The following LRTM2 variants were observed in gnomAD, a reference collection of about 807,000 sequenced individuals.
LRTM2 encodes the protein leucine rich repeat transmembrane protein 2.
In LRTM2, 18 loss-of-function variants were observed where a neutral mutation model predicts 28.1. That is an observed-to-expected ratio of 0.64 (90% CI 0.44 to 0.95). The LOEUF is 0.95. Among genes scored for constraint, LRTM2 ranks in the 40% least tolerant of loss-of-function variants. The probability of loss-of-function intolerance (pLI) is 0.00; values close to 1 mark genes in which losing one functional copy is unlikely to be tolerated. For synonymous variants in LRTM2, 250 were observed against 218.7 expected (o/e 1.14, Z -1.26); for missense variants, 436 against 497.2 (o/e 0.88, Z 1.17).
At chr12:1,826,891 C>A (rs1864354363) in intron 1 of LRTM2, among the ~76,000 whole-genome samples, 1 of 152,232 alleles carries the variant, frequency 6.6e-6, no homozygotes, top group Non-Finnish European at 1.5e-5. Flanking sequence ...AGCACTGAAG[C>A]TTCTCGGCAG....
chr12:1,833,776 A>G lies in LRTM2; in HGVS notation c.659-491A>G, dbSNP rs1864733259. Among the ~76,000 whole-genome samples the G allele has an allele frequency of 6.6e-6, 1 of 152,152 alleles. No homozygotes were observed. Among genetic ancestry groups the G allele is most frequent in the African/African-American group, 2.4e-5 (1 of 41,430 alleles). On this transcript the variant is annotated intron_variant, in intron 4 of 4. Coordinates refer to ENST00000299194, the MANE Select transcript of LRTM2 (RefSeq NM_001039029.3). The surrounding 1 kb of genome is among the most constrained non-coding windows in gnomAD (Gnocchi z 4.2). ...TTTTGACTGCTGTCCTTTGAGTGAGAGGTAAGAACCCTAGAAGGATAAGAT... is the reference window on the plus strand; with the variant it reads ...TTTTGACTGCTGTCCTTTGAGTGAGGGGTAAGAACCCTAGAAGGATAAGAT...
intron 1 of LRTM2, among the ~76,000 whole-genome samples, chr12:1,823,776 T>C (rs1864206705): frequency 6.6e-6 from 1 of 152,182 alleles, no homozygotes; most frequent in Admixed American, 6.5e-5. Flanking sequence ...ATCAGGGCAA[T>C]GGGGACAAAA....
In LRTM2 at chr12:1,828,259, G is replaced by T; in HGVS notation, c.67+44G>T. ...TCGGAGGGGGGTGCGGGTTGGGTGG[G>T]GGTGCCGAGGTGACTGTAGGTAGCG... On this transcript the variant is annotated intron_variant, in intron 3 of 4. Coordinates refer to ENST00000299194, the MANE Select transcript of LRTM2 (RefSeq NM_001039029.3). The surrounding 1 kb of genome is among the most constrained non-coding windows in gnomAD (Gnocchi z 4.2). 2 of 1,493,484 alleles carry T rather than the reference G, an allele frequency of 1.3e-6. No individual in the cohort carries two copies. Among genetic ancestry groups the T allele is most frequent in the Non-Finnish European group, 1.8e-6 (2 of 1,109,542 alleles). The allele number at this position is 1,493,484 out of a possible 1,614,324, so 92.5% of individuals were successfully genotyped here.
rs370258224 is a variant in LRTM2 at position 1,834,326 on chromosome 12, C to A, written c.718C>A (p.Arg240=). 4 of 1,610,674 alleles carry A rather than the reference C, an allele frequency of 2.5e-6. No individual in the cohort carries two copies. The East Asian group carries it at 6.7e-5, about 27-fold the overall frequency. The change falls in exon 5 of 5, where the codon CGG becomes AGG. Residue 240 remains arginine, a synonymous_variant. Coordinates refer to ENST00000299194, the MANE Select transcript of LRTM2 (RefSeq NM_001039029.3). The surrounding 1 kb of genome is among the most constrained non-coding windows in gnomAD (Gnocchi z 7.6). ...LPKELRGKDM[R]MVPMEMFNYC... is the part of the protein sequence containing the mutation. ...CAAGGAGCTGAGGGGGAAGGACATG[C>A]GGATGGTCCCCATGGAGATGTTCAA...
Position 1,828,093 on chromosome 12 carries a change from C to G in LRTM2, c.-56C>G, listed in dbSNP as rs1864432409. 1 of 1,456,636 alleles carries G rather than the reference C, an allele frequency of 6.9e-7. No individual in the cohort carries two copies. Among genetic ancestry groups the G allele is most frequent in the Non-Finnish European group, 9.1e-7 (1 of 1,097,720 alleles). The allele number at this position is 1,456,636 out of a possible 1,614,324, so 90.2% of individuals were successfully genotyped here. A position where few individuals can be genotyped will look rare whatever the true frequency, so the allele number is the denominator to read the frequency against. On this transcript the variant is annotated 5_prime_UTR_variant, in exon 3 of 5. Transcript: ENST00000299194. The surrounding 1 kb of genome is among the most constrained non-coding windows in gnomAD (Gnocchi z 4.2). The stretch of plus-strand genomic sequence containing the variant: ...TCCCTCAGGACTGACAGGCGGCGCA[C>G]CCAGGGGCTCCTCTCTCCCCAGAGC...
Position 1,831,416 on chromosome 12 carries a change from A to G in LRTM2, c.549A>G (p.Thr183=), listed in dbSNP as rs2154447151. The G allele has an allele frequency of 6.2e-7, 1 of 1,614,072 alleles. No individual in the cohort carries two copies. Among genetic ancestry groups the G allele is most frequent in the East Asian group, 2.2e-5 (1 of 44,850 alleles). The change falls in exon 4 of 5, where the codon ACA becomes ACG. Residue 183 remains threonine (T), a synonymous_variant. Transcript: ENST00000299194. The part of the protein sequence containing the change: ...SNRLQNLDRL[T]FEPLANLQLL... ...GTCTGCAGAATCTGGACCGGCTGAC[A>G]TTTGAACCCCTAGCAAACCTGCAGC...
At chr12:1,824,059 C>T (rs751956624) in intron 1 of LRTM2, among the ~76,000 whole-genome samples, 1 of 152,210 alleles carries the variant, frequency 6.6e-6, no homozygotes, top group African/African-American at 2.4e-5. Flanking sequence ...AGAACACTAA[C>T]CTCAGAGAGT....
rs879767746 is a variant in LRTM2, at chr12:1,828,007, T to C, written c.-73-69T>C. On this transcript the variant is annotated intron_variant, in intron 2 of 4. Coordinates refer to ENST00000299194, the MANE Select transcript of LRTM2 (RefSeq NM_001039029.3). This position sits in a 1 kb window ranked among gnomAD's most constrained non-coding sequence, Gnocchi z 4.2. ...GGAGTGTAAAGAGACACCCGGGCCCTCTCCCTAACCCCTGGGCTGGAACGG... is the reference window on the plus strand; with the variant it reads ...GGAGTGTAAAGAGACACCCGGGCCCCCTCCCTAACCCCTGGGCTGGAACGG... The C allele has an allele frequency of 1.8e-4, 109 of 612,476 alleles. No homozygotes were observed. The highest frequency in any genetic ancestry group is 2.7e-4 in the Non-Finnish European group (103 of 383,756). 37.9% of individuals were successfully genotyped at this position (612,476 alleles called of 1,614,324 possible). A position where few individuals can be genotyped will look rare whatever the true frequency, so the allele number is the denominator to read the frequency against.
intron 4 of LRTM2, 61 bp downstream of exon 4, chr12:1,831,586 C>T: frequency 7.2e-7 from 1 of 1,395,292 alleles, no homozygotes; most frequent in Admixed American, 1.9e-5. Flanking sequence ...TGGCCCCACA[C>T]TTTCCTCCTG....
Position 1,829,193 on chromosome 12 carries a change from G to A in LRTM2, c.67+978G>A, listed in dbSNP as rs576959481. Among the ~76,000 whole-genome samples the A allele has an allele frequency of 1.8e-3, 268 of 152,278 alleles. No homozygotes were observed. The highest frequency in any genetic ancestry group is 5.2e-3 in the African/African-American group (217 of 41,560). On this transcript the variant is annotated intron_variant, in intron 3 of 4. Coordinates refer to ENST00000299194, the MANE Select transcript of LRTM2 (RefSeq NM_001039029.3). This position sits in a 1 kb window ranked among gnomAD's most constrained non-coding sequence, Gnocchi z 4.2. ...GGGGGGCGCAGGGAGTCGCTCTTCC[G>A]CAGCGGCTCTCTTAGCCTGCTGTCA...
At position 1,831,122 on chromosome 12, in the gene LRTM2, C is replaced by T. The variant is rs775962971; in HGVS notation, c.255C>T (p.Ser85=). 5.6e-6 allele frequency: 9 copies of T among 1,613,900 alleles called. No individual in the cohort carries two copies. In the East Asian group the frequency reaches 1.8e-4, roughly 32 times the overall value. The part of the protein sequence containing the change: ...LLNNKLSALP[S]WAFANLSSLQ... Reference sequence around the variant, plus strand: ...ACAATAAGCTGAGTGCCCTGCCAAGCTGGGCTTTCGCCAACCTCTCCAGCC... The same window carrying T: ...ACAATAAGCTGAGTGCCCTGCCAAGTTGGGCTTTCGCCAACCTCTCCAGCC... Residue 85 remains serine (S), a synonymous_variant, in exon 4 of 5, where the codon AGC becomes AGT. Coordinates refer to ENST00000299194, the MANE Select transcript of LRTM2 (RefSeq NM_001039029.3).
In LRTM2 at chr12:1,828,103, CCT is replaced by C; in HGVS notation, c.-40_-39del. 1 of 1,476,510 alleles carries C rather than the reference CCT, an allele frequency of 6.8e-7. No homozygotes were observed. The highest frequency in any genetic ancestry group is 2.5e-5 in the East Asian group (1 of 39,280). The allele number at this position is 1,476,510 out of a possible 1,614,324, so 91.5% of individuals were successfully genotyped here. A position where few individuals can be genotyped will look rare whatever the true frequency, so the allele number is the denominator to read the frequency against. On this transcript the variant is annotated 5_prime_UTR_variant, in exon 3 of 5. Coordinates refer to ENST00000299194, the MANE Select transcript of LRTM2 (RefSeq NM_001039029.3). The surrounding 1 kb of genome is among the most constrained non-coding windows in gnomAD (Gnocchi z 4.2). ...CTGACAGGCGGCGCACCCAGGGGCTCCTCTCTCCCCAGAGCGACAGGGCCCGG... is the reference window on the plus strand; with the variant it reads ...CTGACAGGCGGCGCACCCAGGGGCTCCTCTCCCCAGAGCGACAGGGCCCGG...
chr12:1,834,579 T>C lies in LRTM2; in HGVS notation c.971T>C (p.Met324Thr), dbSNP rs1864772129. 1 of 1,600,954 alleles carries C rather than the reference T, an allele frequency of 6.2e-7. No homozygotes were observed. The highest frequency in any genetic ancestry group is 1.1e-5 in the South Asian group (1 of 91,092). Residue 324 changes from methionine (M) to threonine (T), a missense_variant, in exon 5 of 5, where the codon ATG (methionine) becomes ACG (threonine). Coordinates refer to ENST00000299194, the MANE Select transcript of LRTM2 (RefSeq NM_001039029.3). The surrounding 1 kb of genome is among the most constrained non-coding windows in gnomAD (Gnocchi z 7.6). ...AGVVCGVVCI[M>T]MVVAAAYGCI... ...GTCGTGTGCGGCGTCGTCTGCATCA[T>C]GATGGTGGTGGCCGCTGCCTATGGC...
At position 1,828,244 on chromosome 12, in the gene LRTM2, G is replaced by A. The variant is rs774893554; in HGVS notation, c.67+29G>A. Reference sequence around the variant, plus strand: ...AGTACACCCCTGGCCTCGGAGGGGGGTGCGGGTTGGGTGGGGGTGCCGAGG... The same window carrying A: ...AGTACACCCCTGGCCTCGGAGGGGGATGCGGGTTGGGTGGGGGTGCCGAGG... On this transcript the variant is annotated intron_variant, in intron 3 of 4. Transcript: ENST00000299194. The surrounding 1 kb of genome is among the most constrained non-coding windows in gnomAD (Gnocchi z 4.2). 21 of 1,527,098 alleles carry A rather than the reference G, an allele frequency of 1.4e-5. No homozygotes were observed. Among genetic ancestry groups the A allele is most frequent in the South Asian group, 2.5e-5 (2 of 81,210 alleles). The allele number at this position is 1,527,098 out of a possible 1,614,324, so 94.6% of individuals were successfully genotyped here. A position where few individuals can be genotyped will look rare whatever the true frequency, so the allele number is the denominator to read the frequency against.
In LRTM2 at chr12:1,833,251, G is replaced by A. The variant is rs1864709912; in HGVS notation, c.659-1016G>A. Among the ~76,000 whole-genome samples, 1 of 152,210 alleles carries A rather than the reference G, an allele frequency of 6.6e-6. No homozygotes were observed. Among genetic ancestry groups the A allele is most frequent in the African/African-American group, 2.4e-5 (1 of 41,452 alleles). On this transcript the variant is annotated intron_variant, in intron 4 of 4. Coordinates refer to ENST00000299194, the MANE Select transcript of LRTM2 (RefSeq NM_001039029.3). This position sits in a 1 kb window ranked among gnomAD's most constrained non-coding sequence, Gnocchi z 4.2. Reference sequence around the variant, plus strand: ...GACTTGCGGCAGATGGGCTGCAGAGGGAGCTGCCAGTGACGGAGTGGCTGC... The same window carrying A: ...GACTTGCGGCAGATGGGCTGCAGAGAGAGCTGCCAGTGACGGAGTGGCTGC...
rs572336742 is a variant in LRTM2, at chr12:1,828,160, G to A, written c.12G>A (p.Pro4=). 545 of 1,543,472 alleles carry A rather than the reference G, an allele frequency of 3.5e-4. 1 individual carries two copies. Among genetic ancestry groups the A allele is most frequent in the Non-Finnish European group, 4.5e-4 (511 of 1,143,422 alleles). Reference sequence around the variant, plus strand: ...CCGTGGGCCTCACCATGCTGGCGCCGGGCAGCAGCCCTGGGCAGAGGGGCA... The same window carrying A: ...CCGTGGGCCTCACCATGCTGGCGCCAGGCAGCAGCCCTGGGCAGAGGGGCA... MLA[P]GSSPGQRGRL... is the part of the protein sequence containing the mutation. Residue 4 remains proline, a synonymous_variant, in exon 3 of 5, where the codon CCG becomes CCA. Coordinates refer to ENST00000299194, the MANE Select transcript of LRTM2 (RefSeq NM_001039029.3). This position sits in a 1 kb window ranked among gnomAD's most constrained non-coding sequence, Gnocchi z 4.2.
At position 1,828,240 on chromosome 12, in the gene LRTM2, G is replaced by T. The variant is rs770927280; in HGVS notation, c.67+25G>T. The T allele has an allele frequency of 9.8e-6, 15 of 1,531,084 alleles. No individual in the cohort carries two copies. The South Asian group carries it at 1.2e-4, about 12-fold the overall frequency. The allele number at this position is 1,531,084 out of a possible 1,614,324, so 94.8% of individuals were successfully genotyped here. ...TGTGAGTACACCCCTGGCCTCGGAG[G>T]GGGGTGCGGGTTGGGTGGGGGTGCC... On this transcript the variant is annotated intron_variant, in intron 3 of 4. Coordinates refer to ENST00000299194, the MANE Select transcript of LRTM2 (RefSeq NM_001039029.3). This position sits in a 1 kb window ranked among gnomAD's most constrained non-coding sequence, Gnocchi z 4.2.
At position 1,831,033 on chromosome 12, in the gene LRTM2, G is replaced by A. The variant is rs140244300; in HGVS notation, c.166G>A (p.Gly56Ser). 7.9e-4 allele frequency: 1,275 copies of A among 1,613,968 alleles called. No individual in the cohort carries two copies. Among genetic ancestry groups the A allele is most frequent in the Non-Finnish European group, 1.0e-3 (1,179 of 1,180,046 alleles). ...DSRSLEVDCS[G>S]LGLTTVPPDV... The stretch of plus-strand genomic sequence containing the variant: ...CCGCAGCCTGGAGGTGGACTGCAGT[G>A]GCCTTGGCCTCACCACGGTGCCCCC... Residue 56 changes from glycine (G) to serine (S), a missense_variant, in exon 4 of 5, where the codon GGC becomes AGC. Coordinates refer to ENST00000299194, the MANE Select transcript of LRTM2 (RefSeq NM_001039029.3).
chr12:1,823,437 A>G (rs1212457531), intron 1 of LRTM2, among the ~76,000 whole-genome samples: 3 of 151,988 alleles, frequency 2.0e-5, no homozygotes, highest in Non-Finnish European at 4.4e-5. Context: ...CCGTGCTCTG[A>G]GGGGGCCGAG....
Sources: allele counts gnomAD v4.1 joint callset (sites outside exome capture counted in the v4.1 genomes callset), GRCh38; gene constraint gnomAD v4.1.1; non-coding constraint Gnocchi (gnomAD v3.1); transcripts MANE v1.5; gene names NCBI Gene and HGNC (gene_info 2026-07-23, HGNC 2026-07-21).